THSD7A: variants seen among roughly 807,000 people sequenced by gnomAD.
The protein encoded by THSD7A is thrombospondin type 1 domain containing 7A, also known as thrombospondin type-1 domain-containing protein 7A.
THSD7A carries 96 observed loss-of-function variants against 231.3 expected under a neutral mutation model. The ratio of observed to expected loss-of-function variants is 0.41; its 90% CI spans 0.35 to 0.49. The LOEUF is 0.49. Among genes scored for constraint, THSD7A ranks in the 20% least tolerant of loss-of-function variants. The pLI, the probability that THSD7A is intolerant of heterozygous loss-of-function variation, is 0.05. For missense variants in THSD7A, 2,290 were observed against 2,070.2 expected, an observed-to-expected ratio of 1.11 and a Z score of -2.06; for synonymous variants, 940 against 743.3, an observed-to-expected ratio of 1.26 and a Z score of -4.30.
At chr7:11,567,902 T>C (rs1790432520) in intron 4 of THSD7A, among the ~76,000 whole-genome samples, 2 of 152,222 alleles carry the variant, frequency 1.3e-5, no homozygotes, top group Admixed American at 1.3e-4. Flanking sequence ...GTTCTCCTTA[T>C]AGATTTTAAA....
intron 4 of THSD7A, among the ~76,000 whole-genome samples, chr7:11,561,477 C>A (rs1033146930): frequency 2.0e-5 from 3 of 152,160 alleles, no homozygotes; most frequent in Non-Finnish European, 4.4e-5. Context: ...TGCACTTATA[C>A]TGATAACAGT....
At chr7:11,771,124 T>C (rs1046469509) in intron 1 of THSD7A, among the ~76,000 whole-genome samples, 2 of 150,958 alleles carry the variant, frequency 1.3e-5, no homozygotes, top group African/African-American at 2.4e-5. Flanking sequence ...AAGAGATTTT[T>C]CATCATAATT....
At chr7:11,791,363 T>C (rs1257244311) in intron 1 of THSD7A, among the ~76,000 whole-genome samples, 1 of 152,034 alleles carries the variant, frequency 6.6e-6, no homozygotes, top group African/African-American at 2.4e-5. Flanking sequence ...ACTGCTTTCC[T>C]CTCATACTGA....
intron 1 of THSD7A, among the ~76,000 whole-genome samples, chr7:11,776,596 T>G (rs548031081): frequency 6.6e-6 from 1 of 152,192 alleles, no homozygotes; most frequent in South Asian, 2.1e-4. Flanking sequence ...ATTCTTCTAT[T>G]TTGATGTTTG....
At chr7:11,546,195 G>GGCGTGTGTGTGTGCACGCGC (rs752700561) in intron 4 of THSD7A, among the ~76,000 whole-genome samples, 1 of 78,698 alleles carries the variant, frequency 1.3e-5, no homozygotes, top group African/African-American at 5.0e-5. Context: ...TGCTGGTGTG[G>GGCGTGTGTGTGTGCACGCGC]GCGCGCGCTC....
chr7:11,541,552 C>T lies in THSD7A; in HGVS notation c.1689G>A (p.Leu563=). Reference sequence around the variant, plus strand: ...CAGGCTCTTCACAGGGAATGGCTTCCAGTAAGTGAGGGCAGTTTCCGGTTA... The same window carrying T: ...CAGGCTCTTCACAGGGAATGGCTTCTAGTAAGTGAGGGCAGTTTCCGGTTA... ...SGVTGNCPHL[L]EAIPCEEPAC... is the part of the protein sequence containing the mutation. The change falls in exon 6 of 28, where the codon CTG becomes CTA. Residue 563 remains leucine, a synonymous_variant. Coordinates refer to ENST00000423059, the MANE Select transcript of THSD7A (RefSeq NM_015204.3). 6.2e-7 allele frequency: 1 copy of T among 1,613,938 alleles called. No homozygotes were observed.
Position 11,580,824 on chromosome 7 carries a change from A to G in THSD7A, c.1453+9636T>C, listed in dbSNP as rs113321669. ...ATCTGGGTGATGAAACAATCTGTAC[A>G]ACAAACCCCCATGACACAAGCTTAC... On this transcript the variant is annotated intron_variant, in intron 4 of 27. Transcript: ENST00000423059. Among the ~76,000 whole-genome samples the G allele has an allele frequency of 8.5e-5, 13 of 152,234 alleles. 1 individual carries two copies. The highest frequency in any genetic ancestry group is 3.1e-4 in the African/African-American group (13 of 41,518).
intron 19 of THSD7A, among the ~76,000 whole-genome samples, chr7:11,407,929 C>G (rs1232660248): frequency 6.6e-6 from 1 of 151,916 alleles, no homozygotes; most frequent in Non-Finnish European, 1.5e-5. Flanking sequence ...AAAGTATCAG[C>G]TATCTTTTAA....
At chr7:11,495,568 A>G (rs1787063772) in intron 6 of THSD7A, among the ~76,000 whole-genome samples, 1 of 152,146 alleles carries the variant, frequency 6.6e-6, no homozygotes, top group Non-Finnish European at 1.5e-5. Context: ...AAGATTTTCT[A>G]TTGCAAAACT....
At chr7:11,826,876 C>T (rs956445411) in intron 1 of THSD7A, among the ~76,000 whole-genome samples, 50 of 151,188 alleles carry the variant, frequency 3.3e-4, no homozygotes, top group African/African-American at 1.1e-3. Flanking sequence ...AGTTATTCAT[C>T]TTTCAGTAAT....
At chr7:11,764,128 C>T (rs568626040) in intron 1 of THSD7A, among the ~76,000 whole-genome samples, 1 of 152,164 alleles carries the variant, frequency 6.6e-6, no homozygotes, top group African/African-American at 2.4e-5. Context: ...TTTTATATAG[C>T]CCAATTATTC....
At chr7:11,499,315 C>G (rs189143947) in intron 6 of THSD7A, among the ~76,000 whole-genome samples, 101 of 152,308 alleles carry the variant, frequency 6.6e-4, no homozygotes, top group African/African-American at 2.4e-3. Context: ...ACATGCATCT[C>G]TCTGACTCTC....
chr7:11,656,461 G>A (rs1380497869), intron 1 of THSD7A, among the ~76,000 whole-genome samples: 1 of 151,838 alleles, frequency 6.6e-6, no homozygotes, highest in Non-Finnish European at 1.5e-5. Context: ...GGACACACCA[G>A]AGGGATAGAG....
intron 1 of THSD7A, among the ~76,000 whole-genome samples, chr7:11,758,188 T>C (rs1476365920): frequency 6.6e-6 from 1 of 151,802 alleles, no homozygotes; most frequent in East Asian, 1.9e-4. Flanking sequence ...CAGGCTGAAT[T>C]CAAAACCAGT....
At chr7:11,729,512 C>T (rs551863152) in intron 1 of THSD7A, among the ~76,000 whole-genome samples, 14 of 151,760 alleles carry the variant, frequency 9.2e-5, no homozygotes, top group African/African-American at 2.9e-4. Flanking sequence ...AATAAACAAG[C>T]AAGCAAACAA....
At chr7:11,566,251 G>A (rs1224638425) in intron 4 of THSD7A, among the ~76,000 whole-genome samples, 1 of 152,132 alleles carries the variant, frequency 6.6e-6, no homozygotes, top group Non-Finnish European at 1.5e-5. Context: ...CTCAACCTTA[G>A]AACAGTAATT....
At chr7:11,532,521 C>G (rs982708840) in intron 6 of THSD7A, among the ~76,000 whole-genome samples, 1 of 152,050 alleles carries the variant, frequency 6.6e-6, no homozygotes, top group Non-Finnish European at 1.5e-5. Context: ...CCATAATTCT[C>G]CCATCAAGAG....
chr7:11,693,581 C>T (rs1780299059), intron 1 of THSD7A, among the ~76,000 whole-genome samples: 1 of 151,440 alleles, frequency 6.6e-6, no homozygotes, highest in East Asian at 2.0e-4. Context: ...TAAGTAGACA[C>T]CATCATGTTT....
intron 19 of THSD7A, among the ~76,000 whole-genome samples, chr7:11,410,856 C>G (rs1158684104): frequency 6.6e-6 from 1 of 152,054 alleles, no homozygotes. Flanking sequence ...TGGACCTTGG[C>G]AGGTGTCCCA....
Sources: gnomAD v4.1 joint callset for allele counts (sites outside exome capture counted in the v4.1 genomes callset) on GRCh38, gnomAD v4.1.1 for gene constraint, MANE v1.5 for transcripts, NCBI Gene and HGNC (gene_info 2026-07-23, HGNC 2026-07-21) for gene names.